OPRM1: variants seen among roughly 807,000 people sequenced by gnomAD.
OPRM1 encodes opioid receptor mu 1, also known as mu-type opioid receptor.
A neutral mutation model predicts 31.8 loss-of-function variants in OPRM1; 27 were observed. The observed-to-expected ratio is 0.85, with a 90% CI of 0.63 to 1.17. The LOEUF (loss-of-function observed/expected upper bound fraction) is 1.17, where lower values mean the gene tolerates loss of function less well. Among genes scored for constraint, OPRM1 ranks in the 50% most tolerant of loss-of-function variants. The probability of loss-of-function intolerance (pLI) is 0.00; values close to 1 mark genes in which losing one functional copy is unlikely to be tolerated. For missense variants in OPRM1, 536 were observed against 511.1 expected, an observed-to-expected ratio of 1.05 and a Z score of -0.47; for synonymous variants, 196 against 189.9, an observed-to-expected ratio of 1.03 and a Z score of -0.26.
intron 3 of OPRM1, among the ~76,000 whole-genome samples, chr6:154,112,992 C>G (rs186569711): frequency 3.3e-5 from 5 of 152,302 alleles, no homozygotes; most frequent in Non-Finnish European, 7.3e-5. Context: ...AGATAAGCAC[C>G]TAGCTTCCTT....
At chr6:154,103,943 C>T (rs1795223185) in intron 3 of OPRM1, among the ~76,000 whole-genome samples, 1 of 152,256 alleles carries the variant, frequency 6.6e-6, no homozygotes, top group Non-Finnish European at 1.5e-5. Context: ...AATCCCTTCA[C>T]TGTCTAGGAA....
At chr6:154,096,363 A>G (rs77015070) in intron 3 of OPRM1, among the ~76,000 whole-genome samples, 1,793 of 152,222 alleles carry the variant, frequency 0.012, 38 homozygotes, top group African/African-American at 0.041. Context: ...TCTGGCCTCT[A>G]ACGCATTTTA....
chr6:154,102,523 C>T (rs930894260), intron 3 of OPRM1, among the ~76,000 whole-genome samples: 2 of 152,020 alleles, frequency 1.3e-5, no homozygotes, highest in African/African-American at 4.8e-5. Flanking sequence ...AAATAATGTA[C>T]CAAAAGAGAT....
At chr6:154,035,086 C>A (rs919660391), upstream of OPRM1, among the ~76,000 whole-genome samples, 6 of 152,116 alleles carry the variant, frequency 3.9e-5, no homozygotes, top group African/African-American at 7.2e-5. Context: ...ATCCTATAAA[C>A]CCTCTTTGAA....
chr6:154,030,415 G>T (rs57522186), intron 1 of OPRM1, among the ~76,000 whole-genome samples: 4,382 of 152,082 alleles, frequency 0.029, 200 homozygotes, highest in African/African-American at 0.1. Flanking sequence ...TTAAACATTT[G>T]ATAGTAAGGT....
intron 1 of OPRM1, among the ~76,000 whole-genome samples, chr6:154,082,980 G>A (rs1422441176): frequency 6.6e-6 from 1 of 152,102 alleles, no homozygotes; most frequent in Non-Finnish European, 1.5e-5. Flanking sequence ...ACAGAATACA[G>A]AAATCAGAGA....
intron 3 of OPRM1, among the ~76,000 whole-genome samples, chr6:154,229,344 C>T (rs1056176823): frequency 2.2e-5 from 3 of 139,036 alleles, no homozygotes; most frequent in Non-Finnish European, 4.5e-5. Context: ...AAAAGTTTGC[C>T]GGTTTTTTTT....
intron 1 of OPRM1, among the ~76,000 whole-genome samples, chr6:154,061,716 A>G (rs1784464682): frequency 6.6e-6 from 1 of 151,938 alleles, no homozygotes; most frequent in Admixed American, 6.6e-5. Context: ...TTTATCAGGC[A>G]CTATGCTCAC....
At chr6:154,222,379 GA>G (rs1363508788) in intron 3 of OPRM1, among the ~76,000 whole-genome samples, 1 of 152,196 alleles carries the variant, frequency 6.6e-6, no homozygotes, top group African/African-American at 2.4e-5. Flanking sequence ...CTTGTTAAAA[GA>G]AAACTACTCA....
At chr6:154,188,056 T>C (rs1801537647) in intron 3 of OPRM1, among the ~76,000 whole-genome samples, 1 of 152,148 alleles carries the variant, frequency 6.6e-6, no homozygotes, top group African/African-American at 2.4e-5. Flanking sequence ...ATATAGTGTT[T>C]GGAAAGGAAA....
intron 1 of OPRM1, among the ~76,000 whole-genome samples, chr6:154,068,938 G>A (rs562573102): frequency 5.3e-5 from 8 of 152,088 alleles, no homozygotes; most frequent in African/African-American, 7.2e-5. Context: ...GTTTTGACTC[G>A]CATTTCCCTG....
intron 3 of OPRM1, among the ~76,000 whole-genome samples, chr6:154,095,335 A>G (rs1793175228): frequency 6.6e-6 from 1 of 152,110 alleles, no homozygotes. Context: ...AAAACATCCA[A>G]AGCATTGGAC....
chr6:154,166,343 T>A (rs942448112), intron 3 of OPRM1, among the ~76,000 whole-genome samples: 8 of 152,204 alleles, frequency 5.3e-5, no homozygotes, highest in African/African-American at 1.4e-4. Flanking sequence ...AGTCTGCTGC[T>A]CTGTGGAAGG....
chr6:154,206,462 A>C (rs1777503720), intron 3 of OPRM1, among the ~76,000 whole-genome samples: 2 of 152,354 alleles, frequency 1.3e-5, no homozygotes, highest in Admixed American at 6.5e-5. Flanking sequence ...ATTTAGTTTC[A>C]AATGTGTGCT....
At chr6:154,220,621 AAC>A (rs1778789275) in intron 3 of OPRM1, among the ~76,000 whole-genome samples, 1 of 152,148 alleles carries the variant, frequency 6.6e-6, no homozygotes, top group Admixed American at 6.5e-5. Flanking sequence ...CAGCCTGGGC[AAC>A]AGAACAAGAC....
At chr6:154,083,238 A>G (rs1339599303) in intron 1 of OPRM1, among the ~76,000 whole-genome samples, 1 of 152,194 alleles carries the variant, frequency 6.6e-6, no homozygotes, top group East Asian at 1.9e-4. Flanking sequence ...TTCCAATTCC[A>G]AAATAAGAAT....
chr6:154,045,524 G>C (rs1780947890), intron 1 of OPRM1, among the ~76,000 whole-genome samples: 1 of 152,164 alleles, frequency 6.6e-6, no homozygotes, highest in Admixed American at 6.5e-5. Flanking sequence ...CACCAGTGCT[G>C]TCCCCAAGGG....
intron 1 of OPRM1, among the ~76,000 whole-genome samples, chr6:154,057,500 A>G (rs1198545176): frequency 6.6e-6 from 1 of 152,196 alleles, no homozygotes; most frequent in Non-Finnish European, 1.5e-5. Context: ...AAGCCCATCA[A>G]TGTGATAACT....
chr6:154,139,616 T>C (rs1798146551), intron 3 of OPRM1, among the ~76,000 whole-genome samples: 1 of 152,102 alleles, frequency 6.6e-6, no homozygotes, highest in Non-Finnish European at 1.5e-5. Context: ...CAGGGACACC[T>C]TCTTAGTTTA....
Sources: gnomAD v4.1 joint callset for allele counts (sites outside exome capture counted in the v4.1 genomes callset) on GRCh38, gnomAD v4.1.1 for gene constraint, MANE v1.5 for transcripts, NCBI Gene and HGNC (gene_info 2026-07-23, HGNC 2026-07-21) for gene names.